Variants in LRFN5 observed in about 807,000 individuals in gnomAD.
LRFN5 encodes leucine rich repeat and fibronectin type III domain containing 5, also known as leucine-rich repeat and fibronectin type-III domain-containing protein 5.
A neutral mutation model predicts 45.6 loss-of-function variants in LRFN5; 24 were observed. That is an observed-to-expected ratio of 0.53 (90% confidence interval 0.38 to 0.74). The LOEUF (loss-of-function observed/expected upper bound fraction) is 0.74, where lower values mean the gene tolerates loss of function less well. Ranked by LOEUF, LRFN5 falls within the 30% of genes least tolerant of loss-of-function variation. LRFN5 has a pLI of 0.00. For missense variants in LRFN5, 776 were observed against 861.5 expected (o/e 0.90, Z 1.24); for synonymous variants, 340 against 313.8 (o/e 1.08, Z -0.88).
intron 1 of LRFN5, among the ~76,000 whole-genome samples, chr14:41,637,367 A>G (rs1416965465): frequency 6.6e-6 from 1 of 152,176 alleles, no homozygotes; most frequent in Non-Finnish European, 1.5e-5. Flanking sequence ...AAGCAAATTA[A>G]AACTATTAGA....
chr14:41,854,500 TAAAAAAAGAAAAG>T, intron 2 of LRFN5, among the ~76,000 whole-genome samples: 1 of 151,474 alleles, frequency 6.6e-6, no homozygotes, highest in Non-Finnish European at 1.5e-5. Context: ...CCCTAGAACT[TAAAAAAAGAAAAG>T]AAAAAAAGAA....
chr14:41,793,024 G>A (rs1177101384), intron 2 of LRFN5, among the ~76,000 whole-genome samples: 1 of 151,310 alleles, frequency 6.6e-6, no homozygotes, highest in African/African-American at 2.4e-5. Flanking sequence ...GGGAGGGATA[G>A]CATTGGGAGA....
chr14:41,891,329 A>G lies in LRFN5; in HGVS notation c.1465A>G (p.Ile489Val), dbSNP rs893982235. The G allele has an allele frequency of 1.2e-6, 2 of 1,614,136 alleles. No homozygotes were observed. Among genetic ancestry groups the G allele is most frequent in the East Asian group, 4.5e-5 (2 of 44,872 alleles). The change falls in exon 4 of 6, where the codon ATA (isoleucine) becomes GTA (valine). Residue 489 changes from isoleucine (I) to valine (V), a missense_variant. Ile to Val is a conservative substitution (Grantham distance 29, BLOSUM62 3). Transcript: ENST00000298119. ...GTMYDLCVLA[I>V]YDDGITSLTA... ...TATGTATGACTTGTGTGTCTTGGCC[A>G]TATATGATGATGGCATCACTTCCCT...
chr14:41,717,727 A>G (rs1187539486), intron 1 of LRFN5, among the ~76,000 whole-genome samples: 1 of 152,182 alleles, frequency 6.6e-6, no homozygotes, highest in Non-Finnish European at 1.5e-5. Flanking sequence ...TGAGGCTGAC[A>G]TTTTACATAC....
chr14:41,753,743 T>C (rs573245872), intron 1 of LRFN5, among the ~76,000 whole-genome samples: 1 of 152,178 alleles, frequency 6.6e-6, no homozygotes, highest in South Asian at 2.1e-4. Flanking sequence ...CTTTTCCTAA[T>C]TGAATACCCT....
At position 41,818,397 on chromosome 14, in the gene LRFN5, A is replaced by G. The variant is rs189415746; in HGVS notation, c.-21+51368A>G. Among the ~76,000 whole-genome samples, 1,140 of 152,184 alleles carry G rather than the reference A, an allele frequency of 7.5e-3. 12 individuals are homozygous for G. The highest frequency in any genetic ancestry group is 0.025 in the African/African-American group (1,028 of 41,556). ...TTGGCTTTTAATGGGGGACTAAAAT[A>G]TCTCACTGTTTTATATAGAGACCAT... On this transcript the variant is annotated intron_variant, in intron 2 of 5. Coordinates refer to ENST00000298119, the MANE Select transcript of LRFN5 (RefSeq NM_152447.5).
intron 1 of LRFN5, among the ~76,000 whole-genome samples, chr14:41,637,180 C>T (rs955156416): frequency 6.6e-6 from 1 of 152,060 alleles, no homozygotes. Flanking sequence ...TGGGTTAGTT[C>T]AAGGTCACCC....
intron 1 of LRFN5, chr14:41,742,489 A>C (rs1884743281): frequency 6.6e-6 from 1 of 152,228 alleles, no homozygotes; most frequent in African/African-American, 2.4e-5. Context: ...ATATCTAAAA[A>C]ACTTGATATC....
intron 2 of LRFN5, among the ~76,000 whole-genome samples, chr14:41,773,771 A>G (rs1886177461): frequency 6.6e-6 from 1 of 152,248 alleles, no homozygotes; most frequent in African/African-American, 2.4e-5. Context: ...ATGCAAATAT[A>G]CTTATTAGAA....
intron 2 of LRFN5, among the ~76,000 whole-genome samples, chr14:41,785,413 T>A (rs1886682532): frequency 6.6e-6 from 1 of 152,144 alleles, no homozygotes; most frequent in African/African-American, 2.4e-5. Flanking sequence ...CTCTGTTGGA[T>A]TATATACTTA....
At chr14:41,878,209 G>A (rs186811141) in intron 2 of LRFN5, among the ~76,000 whole-genome samples, 28 of 152,120 alleles carry the variant, frequency 1.8e-4, no homozygotes, top group East Asian at 9.7e-4. Context: ...TACTGTAGCC[G>A]TTTAACACAT....
At chr14:41,748,284 G>A (rs1885000048) in intron 1 of LRFN5, among the ~76,000 whole-genome samples, 1 of 152,018 alleles carries the variant, frequency 6.6e-6, no homozygotes, top group Non-Finnish European at 1.5e-5. Context: ...CTGTCCATTA[G>A]CAGACAAATG....
intron 2 of LRFN5, among the ~76,000 whole-genome samples, chr14:41,783,579 A>G (rs1404535792): frequency 6.6e-6 from 1 of 152,108 alleles, no homozygotes; most frequent in Non-Finnish European, 1.5e-5. Flanking sequence ...AATTTTGACT[A>G]ATACGGCTGT....
intron 1 of LRFN5, among the ~76,000 whole-genome samples, chr14:41,616,833 T>C (rs895080782): frequency 1.3e-5 from 2 of 152,114 alleles, no homozygotes; most frequent in African/African-American, 2.4e-5. Context: ...ACTCCTTCAA[T>C]ATATATGTTA....
intron 2 of LRFN5, among the ~76,000 whole-genome samples, chr14:41,770,829 G>A (rs544988377): frequency 3.4e-4 from 52 of 152,210 alleles, no homozygotes; most frequent in African/African-American, 1.1e-3. Context: ...ACAGTGTCCT[G>A]GTGGAGACTC....
At chr14:41,754,875 C>A (rs976981385) in intron 1 of LRFN5, among the ~76,000 whole-genome samples, 1 of 152,066 alleles carries the variant, frequency 6.6e-6, no homozygotes, top group African/African-American at 2.4e-5. Flanking sequence ...GATTTTAGAT[C>A]TTTCCTGCTT....
chr14:41,633,279 A>G (rs1481161912), intron 1 of LRFN5, among the ~76,000 whole-genome samples: 1 of 152,176 alleles, frequency 6.6e-6, no homozygotes, highest in African/African-American at 2.4e-5. Context: ...TATATAACTA[A>G]TAAATTACTA....
At position 41,632,697 on chromosome 14, in the gene LRFN5, A is replaced by T. The variant is rs142788499; in HGVS notation, c.-197+24135A>T. The stretch of plus-strand genomic sequence containing the variant: ...AGTTTGAGTTATAAGAAAATATTGT[A>T]TGTGTCAATCTTCCTGTAGTCTTAG... On this transcript the variant is annotated intron_variant, in intron 1 of 5. Transcript: ENST00000298119. Among the ~76,000 whole-genome samples, 61 of 152,274 alleles carry T rather than the reference A, an allele frequency of 4.0e-4. No individual in the cohort carries two copies. The East Asian group carries it at 9.5e-3, about 24-fold the overall frequency.
chr14:41,851,925 C>G (rs914347736), intron 2 of LRFN5, among the ~76,000 whole-genome samples: 3 of 151,508 alleles, frequency 2.0e-5, no homozygotes, highest in Non-Finnish European at 1.5e-5. Context: ...GGTATAGAAA[C>G]CATACCTAAT....
Sources: gnomAD v4.1 joint callset for allele counts (sites outside exome capture counted in the v4.1 genomes callset) on GRCh38, gnomAD v4.1.1 for gene constraint, MANE v1.5 for transcripts, NCBI Gene and HGNC (gene_info 2026-07-23, HGNC 2026-07-21) for gene names.